Variants in DIAPH3 observed in about 807,000 individuals in gnomAD.
DIAPH3 encodes diaphanous related formin 3, also known as protein diaphanous homolog 3.
A neutral mutation model predicts 144.3 loss-of-function variants in DIAPH3; 117 were observed. The observed-to-expected ratio is 0.81, with a 90% CI of 0.70 to 0.95. The LOEUF (loss-of-function observed/expected upper bound fraction) is 0.95, where lower values mean the gene tolerates loss of function less well. DIAPH3 is among the 40% of genes least tolerant of loss of function. The probability of loss-of-function intolerance (pLI) is 0.00; values close to 1 mark genes in which losing one functional copy is unlikely to be tolerated. For missense variants in DIAPH3, 1,421 were observed against 1,412.7 expected, an observed-to-expected ratio of 1.01 and a Z score of -0.09; for synonymous variants, 519 against 488.9, an observed-to-expected ratio of 1.06 and a Z score of -0.81.
chr13:59,984,007 T>C lies in DIAPH3; in HGVS notation c.1362-120A>G, dbSNP rs867629162. On this transcript the variant is annotated intron_variant, in intron 12 of 27. Coordinates refer to ENST00000400324, the MANE Select transcript of DIAPH3 (RefSeq NM_001042517.2). ...CAATTTATTAGTAATATAATTTCAA[T>C]AGTTGACACAACAGATTTTACCTGG... 3 of 691,414 alleles carry C rather than the reference T, an allele frequency of 4.3e-6. No individual in the cohort carries two copies. In the Admixed American group the frequency reaches 6.4e-5, roughly 15 times the overall value. The allele number at this position is 691,414 out of a possible 1,614,324, so 42.8% of individuals were successfully genotyped here.
chr13:59,879,142 T>C (rs1341169556), intron 21 of DIAPH3, 87 bp downstream of exon 21: 1 of 1,569,640 alleles, frequency 6.4e-7, no homozygotes, highest in East Asian at 2.3e-5. Context: ...CACATCAAAA[T>C]AAAAAAATAT....
At chr13:59,870,859 G>A (rs999723683) in intron 21 of DIAPH3, among the ~76,000 whole-genome samples, 5 of 150,690 alleles carry the variant, frequency 3.3e-5, no homozygotes, top group African/African-American at 9.8e-5. Flanking sequence ...TAGTAGAGAC[G>A]GGGTTTCTCC....
chr13:59,836,376 G>T (rs1033965474), intron 23 of DIAPH3, among the ~76,000 whole-genome samples: 4 of 151,552 alleles, frequency 2.6e-5, no homozygotes, highest in South Asian at 2.1e-4. Context: ...CATTGAATTT[G>T]GTTTCACATT....
At chr13:60,119,007 T>G (rs2058767346) in intron 2 of DIAPH3, among the ~76,000 whole-genome samples, 1 of 152,094 alleles carries the variant, frequency 6.6e-6, no homozygotes, top group Admixed American at 6.5e-5. Context: ...TCTTTCCAAC[T>G]AAAATGTAAG....
At chr13:60,047,858 A>C (rs995675092) in intron 4 of DIAPH3, among the ~76,000 whole-genome samples, 1 of 152,222 alleles carries the variant, frequency 6.6e-6, no homozygotes, top group African/African-American at 2.4e-5. Flanking sequence ...TATTTGCAAT[A>C]CAGTTAAGAA....
At chr13:59,905,128 G>A (rs1291528084) in intron 20 of DIAPH3, among the ~76,000 whole-genome samples, 1 of 151,806 alleles carries the variant, frequency 6.6e-6, no homozygotes, top group Non-Finnish European at 1.5e-5. Context: ...AGATCACGAG[G>A]TCAGGAGATC....
At chr13:59,884,431 C>A (rs2045303360) in intron 20 of DIAPH3, among the ~76,000 whole-genome samples, 1 of 152,128 alleles carries the variant, frequency 6.6e-6, no homozygotes, top group Non-Finnish European at 1.5e-5. Flanking sequence ...AAAAAAGTGT[C>A]TTCCATGAAA....
At chr13:59,872,678 T>C (rs1015348937) in intron 21 of DIAPH3, among the ~76,000 whole-genome samples, 4 of 152,258 alleles carry the variant, frequency 2.6e-5, no homozygotes. Context: ...GTGTCTTGTT[T>C]CTGGTTTTTA....
intron 4 of DIAPH3, among the ~76,000 whole-genome samples, chr13:60,071,091 G>T (rs2057189845): frequency 6.6e-6 from 1 of 151,966 alleles, no homozygotes; most frequent in Non-Finnish European, 1.5e-5. Flanking sequence ...GGATACAATG[G>T]CTAATACTTA....
intron 27 of DIAPH3, among the ~76,000 whole-genome samples, chr13:59,736,623 A>G (rs552044233): frequency 6.6e-6 from 1 of 152,314 alleles, no homozygotes; most frequent in African/African-American, 2.4e-5. Flanking sequence ...TCCCATTACT[A>G]CCATTGACAT....
chr13:59,800,939 G>A (rs770728769), intron 25 of DIAPH3, among the ~76,000 whole-genome samples: 1 of 152,154 alleles, frequency 6.6e-6, no homozygotes, highest in Non-Finnish European at 1.5e-5. Context: ...GAAATAATGA[G>A]TGACTACTAT....
intron 27 of DIAPH3, among the ~76,000 whole-genome samples, chr13:59,744,866 T>G (rs749061256): frequency 6.6e-6 from 1 of 152,028 alleles, no homozygotes. Flanking sequence ...AAAAGCACTT[T>G]AAGAGGATAG....
chr13:59,963,430 CTATAT>C (rs1288627330), intron 17 of DIAPH3, among the ~76,000 whole-genome samples: 1 of 152,104 alleles, frequency 6.6e-6, no homozygotes, highest in Non-Finnish European at 1.5e-5. Context: ...TTACTACTTA[CTATAT>C]TATACCATTT....
intron 3 of DIAPH3, among the ~76,000 whole-genome samples, chr13:60,105,094 G>A (rs547250311): frequency 4.2e-4 from 4 of 9,428 alleles, no homozygotes; most frequent in African/African-American, 2.1e-3. Flanking sequence ...AGTGAGACAC[G>A]ATCTCAAAAA....
At chr13:59,713,133 T>C (rs1415286972) in intron 27 of DIAPH3, among the ~76,000 whole-genome samples, 1 of 152,104 alleles carries the variant, frequency 6.6e-6, no homozygotes, top group African/African-American at 2.4e-5. Flanking sequence ...ATCTGTGGCC[T>C]GGGGGTTGTG....
At position 59,742,723 on chromosome 13, in the gene DIAPH3, A is replaced by G. The variant is rs4429181; in HGVS notation, c.3319+31466T>C. 3.0e-3 allele frequency among the ~76,000 whole-genome samples: 449 copies of G among 151,568 alleles called. 1 individual carries two copies. Among genetic ancestry groups the G allele is most frequent in the Middle Eastern group, 0.021 (6 of 292 alleles). On this transcript the variant is annotated intron_variant, in intron 27 of 27. Transcript: ENST00000400324. Reference sequence around the variant, plus strand: ...AAGGGAGAAAGAAAAGAAAAGAAAGAAAAGAAAGAAGCAGATCAAGACATG... The same window carrying G: ...AAGGGAGAAAGAAAAGAAAAGAAAGGAAAGAAAGAAGCAGATCAAGACATG...
At chr13:59,973,454 A>G (rs1316960406) in intron 15 of DIAPH3, among the ~76,000 whole-genome samples, 1 of 152,040 alleles carries the variant, frequency 6.6e-6, no homozygotes, top group African/African-American at 2.4e-5. Flanking sequence ...AAAATGTGAT[A>G]CTTCCCTCTT....
At chr13:60,082,074 G>A (rs2057577095) in intron 4 of DIAPH3, among the ~76,000 whole-genome samples, 1 of 151,174 alleles carries the variant, frequency 6.6e-6, no homozygotes, top group African/African-American at 2.4e-5. Context: ...GACATTAAGA[G>A]AATATATAAG....
At chr13:59,954,563 G>C (rs924473487) in intron 17 of DIAPH3, among the ~76,000 whole-genome samples, 1 of 152,094 alleles carries the variant, frequency 6.6e-6, no homozygotes, top group East Asian at 1.9e-4. Flanking sequence ...TGACTTCTCT[G>C]GATTCAACTC....
Sources: gnomAD v4.1 joint callset for allele counts (sites outside exome capture counted in the v4.1 genomes callset) on GRCh38, gnomAD v4.1.1 for gene constraint, MANE v1.5 for transcripts, NCBI Gene and HGNC (gene_info 2026-07-23, HGNC 2026-07-21) for gene names.